The following PAPPA2 variants were observed in gnomAD, a reference collection of about 807,000 sequenced individuals.
The protein encoded by PAPPA2 is pappalysin-2.
In PAPPA2, 86 loss-of-function variants were observed where a neutral mutation model predicts 176.4. The ratio of observed to expected loss-of-function variants is 0.49; its 90% CI spans 0.41 to 0.58. The LOEUF (loss-of-function observed/expected upper bound fraction) is 0.58. Ranked by LOEUF, PAPPA2 falls within the 20% of genes least tolerant of loss-of-function variation. The probability of loss-of-function intolerance (pLI) is 0.00; values close to 1 mark genes in which losing one functional copy is unlikely to be tolerated. For missense variants in PAPPA2, 2,073 were observed against 2,256.9 expected (o/e 0.92, Z 1.65); for synonymous variants, 809 against 852.2 (o/e 0.95, Z 0.88).
Position 176,709,983 on chromosome 1 carries a change from G to C in PAPPA2, c.3458G>C (p.Gly1153Ala). 6.3e-7 allele frequency: 1 copy of C among 1,589,544 alleles called. No individual in the cohort carries two copies. The highest frequency in any genetic ancestry group is 8.5e-7 in the Non-Finnish European group (1 of 1,169,700). Residue 1153 changes from glycine to alanine, a missense_variant and splice_region_variant, in exon 11 of 23, where the codon GGA (glycine) becomes GCA (alanine). This residue lies in a region of PAPPA2 where 846 missense variants were observed against 857.9 expected (regional missense o/e 0.99). Coordinates refer to ENST00000367662, the MANE Select transcript of PAPPA2 (RefSeq NM_020318.3). ...TGTGTCACACAATATTTCTTGGCAG[G>C]AGAGCCAAGCCTTTGCTACATGTAT... The part of the protein sequence containing the change: ...CELEEGFNCV[G>A]EPSLCYMYEG...
intron 21 of PAPPA2, among the ~76,000 whole-genome samples, chr1:176,813,253 C>T (rs1666234806): frequency 6.6e-6 from 1 of 152,182 alleles, no homozygotes; most frequent in South Asian, 2.1e-4. Flanking sequence ...AATGAACATA[C>T]ACTTTCATGT....
At chr1:176,600,732 G>A (rs1327134494) in intron 3 of PAPPA2, among the ~76,000 whole-genome samples, 3 of 149,686 alleles carry the variant, frequency 2.0e-5, no homozygotes, top group Non-Finnish European at 3.0e-5. Context: ...CCATTATACT[G>A]TTACTCTGAA....
At chr1:176,642,777 T>A (rs754285744) in intron 3 of PAPPA2, among the ~76,000 whole-genome samples, 8 of 151,950 alleles carry the variant, frequency 5.3e-5, no homozygotes, top group Non-Finnish European at 7.4e-5. Context: ...CTGTCAAGTT[T>A]CTACTTAGGG....
intron 12 of PAPPA2, among the ~76,000 whole-genome samples, chr1:176,729,876 CTTAA>C (rs909748510): frequency 4.6e-5 from 7 of 151,976 alleles, no homozygotes; most frequent in African/African-American, 7.2e-5. Flanking sequence ...ATGGTCTGAA[CTTAA>C]TTAACCCCTT....
chr1:176,708,209 G>A (rs1027291885), intron 10 of PAPPA2, among the ~76,000 whole-genome samples: 1 of 151,974 alleles, frequency 6.6e-6, no homozygotes, highest in African/African-American at 2.4e-5. Context: ...CATAAAATTT[G>A]GCTATTTCCT....
chr1:176,546,941 T>TAAGGAC (rs1650671163), intron 1 of PAPPA2, among the ~76,000 whole-genome samples: 2 of 152,174 alleles, frequency 1.3e-5, no homozygotes. Context: ...AAAAATGGTG[T>TAAGGAC]CATTGAAATG....
intron 1 of PAPPA2, among the ~76,000 whole-genome samples, chr1:176,534,586 A>G (rs1260953467): frequency 6.6e-6 from 1 of 152,254 alleles, no homozygotes; most frequent in Non-Finnish European, 1.5e-5. Context: ...CTAGGAGGGA[A>G]TCATCTTACT....
intron 3 of PAPPA2, among the ~76,000 whole-genome samples, chr1:176,627,156 A>G (rs1290174035): frequency 1.3e-5 from 2 of 152,128 alleles, no homozygotes; most frequent in Non-Finnish European, 2.9e-5. Flanking sequence ...CTAGCTACCA[A>G]GAAGGTGCAT....
chr1:176,662,524 T>G (rs1457692581), intron 3 of PAPPA2, among the ~76,000 whole-genome samples: 1 of 152,118 alleles, frequency 6.6e-6, no homozygotes, highest in Non-Finnish European at 1.5e-5. Context: ...ATTTTAAAAT[T>G]TATCATTCTT....
chr1:176,690,547 G>A lies in PAPPA2; in HGVS notation c.2431+117G>A. ...TGATTAAGTGGTCATTTGTGTCGGA[G>A]AGTTGAAGTGTATTTATTATAAGGT... On this transcript the variant is annotated intron_variant, in intron 5 of 22. Coordinates refer to ENST00000367662, the MANE Select transcript of PAPPA2 (RefSeq NM_020318.3). 2.0e-6 allele frequency: 3 copies of A among 1,497,708 alleles called. No individual in the cohort carries two copies. In the South Asian group the frequency reaches 4.2e-5, roughly 21 times the overall value. 92.8% of individuals were successfully genotyped at this position (1,497,708 alleles called of 1,614,324 possible).
At chr1:176,623,883 C>G (rs1289829208) in intron 3 of PAPPA2, among the ~76,000 whole-genome samples, 1 of 150,086 alleles carries the variant, frequency 6.7e-6, no homozygotes, top group Non-Finnish European at 1.5e-5. Flanking sequence ...CTTTGTCACC[C>G]AGGCTGGAGT....
chr1:176,656,557 T>C (rs1658045507), intron 3 of PAPPA2, among the ~76,000 whole-genome samples: 1 of 151,820 alleles, frequency 6.6e-6, no homozygotes, highest in South Asian at 2.1e-4. Flanking sequence ...TAGGAAGCTT[T>C]TCCCGGGAAG....
At chr1:176,754,266 C>T (rs1236051226) in intron 14 of PAPPA2, among the ~76,000 whole-genome samples, 1 of 152,096 alleles carries the variant, frequency 6.6e-6, no homozygotes, top group Non-Finnish European at 1.5e-5. Flanking sequence ...TGAGGTCCAC[C>T]CCCAAGGAAT....
chr1:176,699,592 G>A lies in PAPPA2; in HGVS notation c.3236+3G>A, dbSNP rs370733244. On this transcript the variant is annotated splice_donor_region_variant and intron_variant, in intron 8 of 22. Transcript: ENST00000367662. ...TCTCACAGGAAGTTCACGGACGTGT[G>A]AGTTTGGTAGCATGACTATGGGGCT... 6 of 1,594,026 alleles carry A rather than the reference G, an allele frequency of 3.8e-6. No individual in the cohort carries two copies. The highest frequency in any genetic ancestry group is 5.1e-6 in the Non-Finnish European group (6 of 1,166,098).
chr1:176,500,115 A>G (rs1020593489), intron 1 of PAPPA2, among the ~76,000 whole-genome samples: 1 of 134 alleles, frequency 7.5e-3, no homozygotes, highest in South Asian at 0.5. Context: ...AAATTTTCAC[A>G]TTTAGAAATA....
At chr1:176,468,966 T>A (rs1651754419) in intron 1 of PAPPA2, among the ~76,000 whole-genome samples, 1 of 152,228 alleles carries the variant, frequency 6.6e-6, no homozygotes, top group Admixed American at 6.5e-5. Flanking sequence ...CAGATGTTAG[T>A]AACTTGTAAG....
At chr1:176,813,665 C>T (rs868339853) in intron 21 of PAPPA2, among the ~76,000 whole-genome samples, 4 of 152,030 alleles carry the variant, frequency 2.6e-5, no homozygotes, top group African/African-American at 7.2e-5. Flanking sequence ...TGTTTAAGTT[C>T]CTTGTAGACT....
chr1:176,676,940 A>T (rs565324541), intron 4 of PAPPA2, among the ~76,000 whole-genome samples: 286 of 152,254 alleles, frequency 1.9e-3, no homozygotes, highest in Middle Eastern at 6.8e-3. Context: ...CTTATAATGG[A>T]ATTGCAAAAG....
intron 21 of PAPPA2, among the ~76,000 whole-genome samples, chr1:176,804,701 T>C (rs1024936657): frequency 6.6e-6 from 1 of 152,244 alleles, no homozygotes; most frequent in Non-Finnish European, 1.5e-5. Flanking sequence ...ATGCTGTAAC[T>C]ACTTACAAGC....
Sources: allele counts gnomAD v4.1 joint callset (sites outside exome capture counted in the v4.1 genomes callset), GRCh38; gene constraint gnomAD v4.1.1; regional missense constraint gnomAD v4.1.1; transcripts MANE v1.5; gene names NCBI Gene and HGNC (gene_info 2026-07-23, HGNC 2026-07-21).